Variants in SDK1 observed in about 807,000 individuals in gnomAD.
The protein encoded by SDK1 is sidekick cell adhesion molecule 1.
Under a neutral mutation model 245.5 loss-of-function variants are expected in SDK1, and 157 were observed. The ratio of observed to expected loss-of-function variants is 0.64; its 90% CI spans 0.56 to 0.73. The LOEUF is 0.73. Ranked by LOEUF, SDK1 falls within the 30% of genes least tolerant of loss-of-function variation. SDK1 has a pLI of 0.00. For synonymous variants in SDK1, 1,647 were observed against 1,278.5 expected (o/e 1.29, Z -6.15); for missense variants, 3,583 against 3,002.3 (o/e 1.19, Z -4.52).
chr7:3,666,008 T>C (rs1122065), intron 4 of SDK1, among the ~76,000 whole-genome samples: 58,431 of 151,938 alleles, frequency 0.38, 12,166 homozygotes, highest in African/African-American at 0.53. Flanking sequence ...CACTCTTTCT[T>C]CCTGCCACCA....
intron 5 of SDK1, among the ~76,000 whole-genome samples, chr7:3,933,410 G>C (rs908143675): frequency 6.6e-6 from 1 of 152,170 alleles, no homozygotes; most frequent in Admixed American, 6.5e-5. Context: ...GCTGCACCCA[G>C]CTGATCCTGG....
At chr7:3,634,149 C>T (rs1432630116) in intron 2 of SDK1, among the ~76,000 whole-genome samples, 1 of 152,128 alleles carries the variant, frequency 6.6e-6, no homozygotes, top group Non-Finnish European at 1.5e-5. Flanking sequence ...CAGATGTGGT[C>T]TTTTCAGCCT....
chr7:3,745,854 A>C (rs181652444), intron 4 of SDK1, among the ~76,000 whole-genome samples: 1 of 152,320 alleles, frequency 6.6e-6, no homozygotes. Flanking sequence ...ATCCAAAATA[A>C]TGGATTGAAA....
intron 1 of SDK1, among the ~76,000 whole-genome samples, chr7:3,347,315 A>G (rs1024144425): frequency 5.3e-5 from 8 of 152,152 alleles, no homozygotes; most frequent in South Asian, 4.2e-4. Context: ...CAGTATTTTT[A>G]TAGGTGAAAG....
chr7:3,912,964 C>A (rs376039435), intron 5 of SDK1, among the ~76,000 whole-genome samples: 2 of 152,208 alleles, frequency 1.3e-5, no homozygotes, highest in African/African-American at 4.8e-5. Flanking sequence ...CGTGGAGGGC[C>A]GAAGGCAAGC....
intron 28 of SDK1, among the ~76,000 whole-genome samples, chr7:4,135,070 G>A (rs549703816): frequency 1.3e-5 from 2 of 152,314 alleles, no homozygotes; most frequent in Admixed American, 1.3e-4. Context: ...CAGCACGCCC[G>A]CCGGAGTGAG....
At chr7:3,808,723 T>G (rs1194101998) in intron 4 of SDK1, among the ~76,000 whole-genome samples, 1 of 152,184 alleles carries the variant, frequency 6.6e-6, no homozygotes. Context: ...TTCCCTGTAC[T>G]TGTTTTCCAG....
chr7:4,138,728 A>G (rs113217716), intron 28 of SDK1, among the ~76,000 whole-genome samples: 1 of 146,880 alleles, frequency 6.8e-6, no homozygotes, highest in Admixed American at 6.9e-5. Context: ...AGCCTGGGCA[A>G]CAATAGTGAA....
chr7:3,603,491 A>G (rs1313817520), intron 1 of SDK1, among the ~76,000 whole-genome samples: 13 of 151,314 alleles, frequency 8.6e-5, no homozygotes, highest in Non-Finnish European at 1.8e-4. Context: ...TTTGTCTGTT[A>G]TTGGTGTATA....
intron 1 of SDK1, among the ~76,000 whole-genome samples, chr7:3,364,212 A>G (rs777766101): frequency 3.3e-5 from 5 of 152,170 alleles, no homozygotes; most frequent in African/African-American, 4.8e-5. Flanking sequence ...TTGGCGTACA[A>G]ATATATTCTC....
At chr7:3,758,392 T>G (rs1295480893) in intron 4 of SDK1, among the ~76,000 whole-genome samples, 2 of 152,256 alleles carry the variant, frequency 1.3e-5, no homozygotes, top group Non-Finnish European at 2.9e-5. Context: ...ATTCAATCAT[T>G]TATTTATATC....
chr7:3,566,263 C>T (rs1298920869), intron 1 of SDK1, among the ~76,000 whole-genome samples: 20 of 137,826 alleles, frequency 1.5e-4, no homozygotes, highest in East Asian at 1.1e-3. Context: ...CTCGCTCTGT[C>T]GCCCAGGCTG....
At chr7:3,441,364 T>A (rs1194231248) in intron 1 of SDK1, among the ~76,000 whole-genome samples, 2 of 151,676 alleles carry the variant, frequency 1.3e-5, no homozygotes, top group Admixed American at 1.3e-4. Context: ...CATCATGACA[T>A]GTGTGGATCC....
intron 17 of SDK1, among the ~76,000 whole-genome samples, chr7:4,030,109 C>T (rs986736111): frequency 1.3e-5 from 2 of 152,306 alleles, no homozygotes; most frequent in Admixed American, 6.5e-5. Context: ...CGTCAAGCAT[C>T]GGCTCCGGGT....
chr7:3,999,106 T>C (rs1049377808), intron 14 of SDK1, among the ~76,000 whole-genome samples: 1 of 152,130 alleles, frequency 6.6e-6, no homozygotes. Context: ...TCTTTAAAAA[T>C]AGGAGATATC....
chr7:3,696,756 G>A (rs1784584869), intron 4 of SDK1, among the ~76,000 whole-genome samples: 1 of 152,024 alleles, frequency 6.6e-6, no homozygotes, highest in Admixed American at 6.6e-5. Flanking sequence ...TTTTTGAGTT[G>A]TGTCAGTTCT....
intron 5 of SDK1, among the ~76,000 whole-genome samples, chr7:3,845,649 G>A (rs1780259743): frequency 6.6e-6 from 1 of 151,614 alleles, no homozygotes; most frequent in Admixed American, 6.6e-5. Flanking sequence ...TCAGCAGTGG[G>A]CTCCCTTTAG....
At chr7:4,090,417 A>C (rs1229402276) in intron 22 of SDK1, among the ~76,000 whole-genome samples, 1 of 152,028 alleles carries the variant, frequency 6.6e-6, no homozygotes, top group Non-Finnish European at 1.5e-5. Flanking sequence ...CTTTCTCCTC[A>C]TTTATTTTTC....
At chr7:4,054,982 G>A (rs1246917569) in intron 19 of SDK1, among the ~76,000 whole-genome samples, 1 of 152,150 alleles carries the variant, frequency 6.6e-6, no homozygotes, top group Non-Finnish European at 1.5e-5. Context: ...TTCATATGCT[G>A]TTGGATTGAC....
Sources: allele counts gnomAD v4.1 joint callset (sites outside exome capture counted in the v4.1 genomes callset), GRCh38; gene constraint gnomAD v4.1.1; transcripts MANE v1.5; gene names NCBI Gene and HGNC (gene_info 2026-07-23, HGNC 2026-07-21).